The following ZNG1A variants were observed in gnomAD, a reference collection of about 807,000 sequenced individuals.
The protein encoded by ZNG1A is zinc-regulated GTPase metalloprotein activator 1A.
chr9:138,280 G>A, the ZNG1A span, among the ~76,000 whole-genome samples: 12 of 150,924 alleles, frequency 8.0e-5, no homozygotes, highest in East Asian at 2.4e-3. Flanking sequence ...CTGTGTCACT[G>A]ACAAGTTTAC....
the ZNG1A span, chr9:161,454 T>G: frequency 3.7e-6 from 2 of 542,142 alleles, no homozygotes; most frequent in African/African-American, 2.5e-5. Context: ...GGCAACAGAG[T>G]GAGACTCTGT....
At chr9:174,453 A>T in the ZNG1A span, among the ~76,000 whole-genome samples, 7 of 152,234 alleles carry the variant, frequency 4.6e-5, no homozygotes, top group East Asian at 1.3e-3. Flanking sequence ...TTAATGAAAC[A>T]TGAAGAAAAG....
chr9:138,756 TAGTC>T, the ZNG1A span, among the ~76,000 whole-genome samples: 33,533 of 143,250 alleles, frequency 0.23, 4,779 homozygotes, highest in East Asian at 0.42. Context: ...AAAAAAAAAT[TAGTC>T]AGGCATGGTG....
At chr9:171,850 A>G in the ZNG1A span, 54 of 570,504 alleles carry the variant, frequency 9.5e-5, no homozygotes, top group Admixed American at 1.7e-3. Context: ...TAAGTCAATC[A>G]ATAAAACTTC....
the ZNG1A span, among the ~76,000 whole-genome samples, chr9:124,892 T>C: frequency 1.3e-5 from 2 of 151,158 alleles, no homozygotes; most frequent in Non-Finnish European, 3.0e-5. Flanking sequence ...AATTCACTCC[T>C]TTTTATGGCT....
chr9:150,317 G>A, the ZNG1A span: 17 of 364,326 alleles, frequency 4.7e-5, no homozygotes, highest in East Asian at 1.8e-3. Context: ...CAGTAGAGAC[G>A]GGGTTTCACA....
At chr9:145,361 T>G in the ZNG1A span, among the ~76,000 whole-genome samples, 2 of 150,614 alleles carry the variant, frequency 1.3e-5, no homozygotes, top group African/African-American at 4.9e-5. Context: ...TGGAATACTA[T>G]GCAGCCATAA....
chr9:170,390 T>TCC, the ZNG1A span, among the ~76,000 whole-genome samples: 66 of 146,378 alleles, frequency 4.5e-4, 4 homozygotes, highest in Middle Eastern at 3.5e-3. Flanking sequence ...CATGTGCATG[T>TCC]GCGTGTGTGT....
chr9:170,552 G>C, the ZNG1A span, among the ~76,000 whole-genome samples: 4 of 150,416 alleles, frequency 2.7e-5, no homozygotes, highest in Non-Finnish European at 5.9e-5. Context: ...CGCCTGGCTA[G>C]TTTTTGAATT....
chr9:139,859 G>C, the ZNG1A span, among the ~76,000 whole-genome samples: 1 of 151,444 alleles, frequency 6.6e-6, no homozygotes, highest in Non-Finnish European at 1.5e-5. Flanking sequence ...GGAAGCGCAG[G>C]GGGTCAGGGA....
the ZNG1A span, chr9:121,481 GATC>G: frequency 6.2e-7 from 1 of 1,611,286 alleles, no homozygotes; most frequent in African/African-American, 1.3e-5. Flanking sequence ...GTACAAACTT[GATC>G]TTCTTGGAAA....
chr9:167,235 A>G, the ZNG1A span: 3 of 151,220 alleles, frequency 2.0e-5, no homozygotes, highest in Non-Finnish European at 4.4e-5. Context: ...TTTTTCAGGA[A>G]CGAAAGCAAT....
the ZNG1A span, chr9:121,712 T>G: frequency 8.7e-7 from 1 of 1,151,860 alleles, no homozygotes; most frequent in East Asian, 2.3e-5. Flanking sequence ...ATTCCATCTT[T>G]AACTTTCCAG....
chr9:170,206 G>T, the ZNG1A span, among the ~76,000 whole-genome samples: 7 of 148,676 alleles, frequency 4.7e-5, no homozygotes, highest in South Asian at 1.5e-3. Flanking sequence ...TAGAGATTCC[G>T]ATTCAGTAGA....
At chr9:120,842 T>G in the ZNG1A span, among the ~76,000 whole-genome samples, 1 of 152,250 alleles carries the variant, frequency 6.6e-6, no homozygotes, top group South Asian at 2.1e-4. Context: ...AACTGTCCTT[T>G]GCAGAAGAAT....
chr9:140,287 T>C, the ZNG1A span, among the ~76,000 whole-genome samples: 1 of 151,988 alleles, frequency 6.6e-6, no homozygotes, highest in East Asian at 1.9e-4. Context: ...AAGAGAGCAG[T>C]GGTTCTCCCA....
chr9:124,980 C>G, the ZNG1A span, among the ~76,000 whole-genome samples: 15 of 152,270 alleles, frequency 9.9e-5, no homozygotes, highest in African/African-American at 3.4e-4. Flanking sequence ...GGGTTGGTTC[C>G]ACGTTTTTGC....
the ZNG1A span, among the ~76,000 whole-genome samples, chr9:170,691 T>C: frequency 3.5e-5 from 5 of 142,452 alleles, no homozygotes; most frequent in South Asian, 9.5e-4. Flanking sequence ...CAGCCCCTAC[T>C]TGTATATCAC....
At chr9:138,396 CTT>C in the ZNG1A span, among the ~76,000 whole-genome samples, 2 of 90,534 alleles carry the variant, frequency 2.2e-5, no homozygotes, top group Non-Finnish European at 4.4e-5. Flanking sequence ...TTCTTTCTTT[CTT>C]TTTTTTTTTA....
Sources: allele counts gnomAD v4.1 joint callset (sites outside exome capture counted in the v4.1 genomes callset), GRCh38; gene constraint gnomAD v4.1.1; transcripts MANE v1.5; gene names NCBI Gene and HGNC (gene_info 2026-07-23, HGNC 2026-07-21).